DLGAP2: variants seen among roughly 807,000 people sequenced by gnomAD.
DLGAP2 encodes the protein disks large-associated protein 2.
DLGAP2 carries 26 observed loss-of-function variants against 100.3 expected under a neutral mutation model. That is an observed-to-expected ratio of 0.26 (90% CI 0.19 to 0.36). The LOEUF is 0.36. Ranked by LOEUF, DLGAP2 falls within the 10% of genes least tolerant of loss-of-function variation. The pLI, the probability that DLGAP2 is intolerant of heterozygous loss-of-function variation, is 1.00. For synonymous variants in DLGAP2, 886 were observed against 630.1 expected (o/e 1.41, Z -6.08); for missense variants, 1,858 against 1,453.2 (o/e 1.28, Z -4.53).
chr8:1,417,637 G>C (rs1003159443), intron 3 of DLGAP2, among the ~76,000 whole-genome samples: 1 of 148,412 alleles, frequency 6.7e-6, no homozygotes, highest in Non-Finnish European at 1.5e-5. Context: ...GCCTCCAGGG[G>C]GGCACGGGGA....
At chr8:848,136 A>G (rs1479542146) in intron 1 of DLGAP2, among the ~76,000 whole-genome samples, 1 of 152,150 alleles carries the variant, frequency 6.6e-6, no homozygotes, top group Admixed American at 6.5e-5. Flanking sequence ...TGTGACATAG[A>G]TGGAGTTTAC....
At chr8:934,481 C>G (rs1799023613) in intron 2 of DLGAP2, among the ~76,000 whole-genome samples, 1 of 152,192 alleles carries the variant, frequency 6.6e-6, no homozygotes, top group Non-Finnish European at 1.5e-5. Flanking sequence ...CTGCTTGAAA[C>G]AGGCCACCTC....
At chr8:1,408,246 C>T (rs1381466307) in intron 3 of DLGAP2, among the ~76,000 whole-genome samples, 1 of 152,220 alleles carries the variant, frequency 6.6e-6, no homozygotes, top group African/African-American at 2.4e-5. Context: ...ACTCATTCTC[C>T]ACTTTCCGCG....
At chr8:1,228,760 G>T (rs1214381239) in intron 2 of DLGAP2, among the ~76,000 whole-genome samples, 3 of 152,116 alleles carry the variant, frequency 2.0e-5, no homozygotes, top group African/African-American at 7.2e-5. Flanking sequence ...TCAACAAACT[G>T]GAAATAGAAG....
rs7831834 is a variant in DLGAP2, at chr8:1,054,280, G to A, written c.73+146314G>A. 7.0e-3 allele frequency among the ~76,000 whole-genome samples: 1,066 copies of A among 151,404 alleles called. 19 individuals carry two copies. Among genetic ancestry groups the A allele is most frequent in the African/African-American group, 0.024 (1,011 of 41,288 alleles). On this transcript the variant is annotated intron_variant, in intron 2 of 14. Transcript: ENST00000637795. ...CACACGCACACACACGGACACACAC[G>A]CACACACACACACCATCCATGCATA...
chr8:1,384,470 G>C (rs1483519299), intron 3 of DLGAP2, among the ~76,000 whole-genome samples: 1 of 73,062 alleles, frequency 1.4e-5, no homozygotes, highest in African/African-American at 4.9e-5. Context: ...GCCTGTGCCC[G>C]GCCCCTGAGA....
intron 13 of DLGAP2, among the ~76,000 whole-genome samples, chr8:1,695,273 G>A (rs1207387272): frequency 6.6e-6 from 1 of 150,464 alleles, no homozygotes; most frequent in Non-Finnish European, 1.5e-5. Context: ...GCCATGCCCG[G>A]CCCTACAGAA....
At chr8:1,197,368 C>G (rs1341874259) in intron 2 of DLGAP2, among the ~76,000 whole-genome samples, 2 of 152,246 alleles carry the variant, frequency 1.3e-5, no homozygotes, top group Non-Finnish European at 2.9e-5. Flanking sequence ...GCCCTTGTCT[C>G]AATACCTGAG....
intron 5 of DLGAP2, among the ~76,000 whole-genome samples, chr8:1,558,684 C>A (rs890409783): frequency 6.6e-6 from 1 of 151,272 alleles, no homozygotes; most frequent in Non-Finnish European, 1.5e-5. Flanking sequence ...CATGCACACC[C>A]GTATACCTGC....
At chr8:1,500,515 G>C (rs977399467) in intron 3 of DLGAP2, among the ~76,000 whole-genome samples, 1 of 152,246 alleles carries the variant, frequency 6.6e-6, no homozygotes, top group Non-Finnish European at 1.5e-5. Context: ...CTGCAGCCTG[G>C]TAGAAACCAA....
intron 2 of DLGAP2, among the ~76,000 whole-genome samples, chr8:1,052,322 T>A (rs1298712150): frequency 6.6e-6 from 1 of 152,208 alleles, no homozygotes; most frequent in Non-Finnish European, 1.5e-5. Flanking sequence ...TGCAAAACCA[T>A]GCCAAATGCC....
chr8:940,552 G>A (rs1034452650), intron 2 of DLGAP2, among the ~76,000 whole-genome samples: 3 of 152,100 alleles, frequency 2.0e-5, no homozygotes, highest in Non-Finnish European at 4.4e-5. Context: ...CATGACATGC[G>A]GTCAGAGGCT....
At chr8:951,907 C>T (rs969394305) in intron 2 of DLGAP2, among the ~76,000 whole-genome samples, 6 of 152,212 alleles carry the variant, frequency 3.9e-5, no homozygotes, top group African/African-American at 1.2e-4. Flanking sequence ...ATTGGAACCA[C>T]TTGGAAGCAA....
At chr8:1,356,177 G>A (rs1801846349) in intron 3 of DLGAP2, among the ~76,000 whole-genome samples, 1 of 152,200 alleles carries the variant, frequency 6.6e-6, no homozygotes, top group East Asian at 1.9e-4. Flanking sequence ...TGTGGTTGAT[G>A]CTGCTCTGTG....
chr8:1,487,328 T>G (rs1799257573), intron 3 of DLGAP2, among the ~76,000 whole-genome samples: 1 of 152,152 alleles, frequency 6.6e-6, no homozygotes, highest in African/African-American at 2.4e-5. Flanking sequence ...TATGGCTAAG[T>G]AGTACTGAAA....
At chr8:1,594,787 T>A (rs561272416) in intron 6 of DLGAP2, among the ~76,000 whole-genome samples, 120 of 152,124 alleles carry the variant, frequency 7.9e-4, no homozygotes, top group Non-Finnish European at 1.1e-3. Context: ...ATAGTTTTTT[T>A]AAAAAAAAGT....
At chr8:784,337 A>G (rs763828517) in intron 1 of DLGAP2, among the ~76,000 whole-genome samples, 9 of 152,240 alleles carry the variant, frequency 5.9e-5, no homozygotes, top group Admixed American at 3.9e-4. Flanking sequence ...ATATGCATAC[A>G]CATGAAATGT....
intron 3 of DLGAP2, among the ~76,000 whole-genome samples, chr8:1,355,378 T>C (rs1166792800): frequency 1.3e-5 from 2 of 152,084 alleles, no homozygotes; most frequent in Non-Finnish European, 2.9e-5. Flanking sequence ...TTTTTGTTTT[T>C]GTTTGAGATG....
chr8:1,443,657 A>G (rs1452213500), intron 3 of DLGAP2, among the ~76,000 whole-genome samples: 1 of 152,216 alleles, frequency 6.6e-6, no homozygotes, highest in Admixed American at 6.5e-5. Context: ...CACATCTTAC[A>G]TGGTGGCAGA....
Sources: gnomAD v4.1 joint callset for allele counts (sites outside exome capture counted in the v4.1 genomes callset) on GRCh38, gnomAD v4.1.1 for gene constraint, MANE v1.5 for transcripts, NCBI Gene and HGNC (gene_info 2026-07-23, HGNC 2026-07-21) for gene names.